ARID1B: variants seen among roughly 807,000 people sequenced by gnomAD.
ARID1B encodes AT-rich interaction domain 1B.
A neutral mutation model predicts 212.3 loss-of-function variants in ARID1B; 30 were observed. The observed-to-expected ratio is 0.14, with a 90% confidence interval of 0.11 to 0.19. ARID1B has a LOEUF of 0.19. ARID1B is among the 10% of genes least tolerant of loss of function. The probability of loss-of-function intolerance (pLI) is 1.00; values close to 1 mark genes in which losing one functional copy is unlikely to be tolerated. For missense variants in ARID1B, 2,891 were observed against 3,204.0 expected (o/e 0.90, Z 2.36); for synonymous variants, 1,402 against 1,301.7 (o/e 1.08, Z -1.66).
chr6:157,168,691 A>G (rs1052530169), intron 9 of ARID1B: 1 of 152,204 alleles, frequency 6.6e-6, no homozygotes, highest in African/African-American at 2.4e-5. Flanking sequence ...ATGTATTCCT[A>G]AGGAATAGCC....
intron 2 of ARID1B, among the ~76,000 whole-genome samples, chr6:156,863,592 A>T (rs1031448453): frequency 6.6e-6 from 1 of 152,208 alleles, no homozygotes; most frequent in Non-Finnish European, 1.5e-5. Context: ...TTAAAACAAC[A>T]TATATATCAA....
intron 4 of ARID1B, among the ~76,000 whole-genome samples, chr6:157,018,918 T>C (rs988149811): frequency 4.6e-5 from 7 of 152,128 alleles, no homozygotes; most frequent in Non-Finnish European, 1.0e-4. Flanking sequence ...CTTGGAAGCA[T>C]GACCTCAAAG....
chr6:157,130,416 TTAGA>T (rs368876756), intron 6 of ARID1B, among the ~76,000 whole-genome samples: 483 of 152,334 alleles, frequency 3.2e-3, no homozygotes, highest in Middle Eastern at 0.017. Context: ...ATAGTAAAGC[TTAGA>T]TAAATATTTC....
intron 1 of ARID1B, among the ~76,000 whole-genome samples, chr6:156,815,370 C>T (rs1781892136): frequency 6.6e-6 from 1 of 152,176 alleles, no homozygotes; most frequent in Non-Finnish European, 1.5e-5. Context: ...ATTCACTTAG[C>T]AGAAGGGTAT....
At chr6:157,175,470 A>G (rs1415066907) in intron 11 of ARID1B, 1 of 152,236 alleles carries the variant, frequency 6.6e-6, no homozygotes, top group Non-Finnish European at 1.5e-5. Flanking sequence ...AAAGAAGTAA[A>G]TACTCAATTT....
chr6:156,796,284 C>T (rs1437651623), intron 1 of ARID1B, among the ~76,000 whole-genome samples: 2 of 152,104 alleles, frequency 1.3e-5, no homozygotes, highest in African/African-American at 2.4e-5. Flanking sequence ...GTGCCTAACC[C>T]ATCTCAAGCA....
intron 1 of ARID1B, among the ~76,000 whole-genome samples, chr6:156,797,160 C>A (rs867518347): frequency 1.3e-5 from 2 of 152,048 alleles, no homozygotes; most frequent in African/African-American, 4.8e-5. Flanking sequence ...TGCTGTGTGG[C>A]AGAGTGTTCT....
Position 157,097,592 on chromosome 6 carries a change from G to A in ARID1B, c.2491+12687G>A, listed in dbSNP as rs570438856. Among the ~76,000 whole-genome samples, 19 of 152,312 alleles carry A rather than the reference G, an allele frequency of 1.2e-4. No individual in the cohort carries two copies. The South Asian group carries it at 1.9e-3, about 15-fold the overall frequency. ...CCATGTTTACAGGCAGAGTTGTCAC[G>A]AAGCGTTGGAACCCAGAATGAGAAA... On this transcript the variant is annotated intron_variant, in intron 5 of 19. Transcript: ENST00000636930.
chr6:156,851,131 C>G (rs966313979), intron 2 of ARID1B, among the ~76,000 whole-genome samples: 5 of 152,032 alleles, frequency 3.3e-5, no homozygotes, highest in African/African-American at 9.7e-5. Context: ...GAAAATGTCC[C>G]CAAGGAGGAG....
intron 4 of ARID1B, among the ~76,000 whole-genome samples, chr6:156,949,278 G>GATAT (rs78506385): frequency 6.6e-6 from 1 of 151,906 alleles, no homozygotes; most frequent in African/African-American, 2.4e-5. Flanking sequence ...AGGGGTATCA[G>GATAT]ATATATATAT....
intron 6 of ARID1B, among the ~76,000 whole-genome samples, chr6:157,120,167 G>A (rs1266098184): frequency 1.3e-5 from 2 of 152,186 alleles, no homozygotes; most frequent in Admixed American, 1.3e-4. Context: ...GCACTGAAGT[G>A]GACTTTTGCA....
chr6:156,881,136 C>T (rs1787053995), intron 2 of ARID1B, among the ~76,000 whole-genome samples: 1 of 152,142 alleles, frequency 6.6e-6, no homozygotes, highest in African/African-American at 2.4e-5. Flanking sequence ...TAGGTCTTCT[C>T]CTTCTCCCTG....
chr6:156,996,726 A>G (rs966444459), intron 4 of ARID1B, among the ~76,000 whole-genome samples: 2 of 152,226 alleles, frequency 1.3e-5, no homozygotes, highest in South Asian at 4.1e-4. Flanking sequence ...ACCCATATTA[A>G]TACCTCATAT....
chr6:157,000,991 G>T (rs995299142), intron 4 of ARID1B, among the ~76,000 whole-genome samples: 1 of 151,988 alleles, frequency 6.6e-6, no homozygotes, highest in Non-Finnish European at 1.5e-5. Context: ...CACTGTGCCC[G>T]GCCTAAACAC....
At chr6:157,119,028 T>C (rs947136667) in intron 6 of ARID1B, among the ~76,000 whole-genome samples, 3 of 152,238 alleles carry the variant, frequency 2.0e-5, no homozygotes, top group African/African-American at 7.2e-5. Flanking sequence ...TTCCTGTTCC[T>C]TTTGTGTTTT....
At chr6:156,903,669 G>A (rs1789129264) in intron 3 of ARID1B, among the ~76,000 whole-genome samples, 1 of 152,086 alleles carries the variant, frequency 6.6e-6, no homozygotes, top group Admixed American at 6.5e-5. Context: ...CTGAAACAAA[G>A]TAAAAATTAC....
Position 157,001,294 on chromosome 6 carries a change from G to A in ARID1B, c.2247+65718G>A, listed in dbSNP as rs80207331. Reference sequence around the variant, plus strand: ...AGGAACTGTTGCTCCGAGAGGGATCGCTCACGAGTAGTGGAGCCGAGATCG... The same window carrying A: ...AGGAACTGTTGCTCCGAGAGGGATCACTCACGAGTAGTGGAGCCGAGATCG... On this transcript the variant is annotated intron_variant, in intron 4 of 19. Transcript: ENST00000636930. Among the ~76,000 whole-genome samples, 114 of 152,256 alleles carry A rather than the reference G, an allele frequency of 7.5e-4. No individual in the cohort carries two copies. The East Asian group carries it at 0.015, about 21-fold the overall frequency.
chr6:156,826,703 C>G (rs1782763806), intron 1 of ARID1B, among the ~76,000 whole-genome samples: 1 of 152,142 alleles, frequency 6.6e-6, no homozygotes, highest in Non-Finnish European at 1.5e-5. Flanking sequence ...CTCACCTCTG[C>G]AGCGAGACTG....
intron 4 of ARID1B, among the ~76,000 whole-genome samples, chr6:157,061,568 G>C (rs1783343764): frequency 6.7e-6 from 1 of 148,716 alleles, no homozygotes; most frequent in South Asian, 2.1e-4. Flanking sequence ...AGGGTTGTCA[G>C]ATTTAGAAAA....
Sources: gnomAD v4.1 joint callset for allele counts (sites outside exome capture counted in the v4.1 genomes callset) on GRCh38, gnomAD v4.1.1 for gene constraint, MANE v1.5 for transcripts, NCBI Gene and HGNC (gene_info 2026-07-23, HGNC 2026-07-21) for gene names.